Variants in NCKAP1 observed in about 807,000 individuals in gnomAD.
The protein encoded by NCKAP1 is nck-associated protein 1.
In NCKAP1, 21 loss-of-function variants were observed where a neutral mutation model predicts 151.2. The ratio of observed to expected loss-of-function variants is 0.14; its 90% CI spans 0.10 to 0.20. The LOEUF (loss-of-function observed/expected upper bound fraction) is 0.20. NCKAP1 is among the 10% of genes least tolerant of loss of function. The probability of loss-of-function intolerance (pLI) is 1.00; values close to 1 mark genes in which losing one functional copy is unlikely to be tolerated. For missense variants in NCKAP1, 933 were observed against 1,352.1 expected, an observed-to-expected ratio of 0.69 and a Z score of 4.86; for synonymous variants, 484 against 451.8, an observed-to-expected ratio of 1.07 and a Z score of -0.90.
rs1198128858 is a variant in NCKAP1, at chr2:183,038,326, T to G, written c.-227A>C. 8.9e-6 allele frequency: 3 copies of G among 336,872 alleles called. No homozygotes were observed. The highest frequency in any genetic ancestry group is 1.6e-5 in the Non-Finnish European group (3 of 187,934). 20.9% of individuals were successfully genotyped at this position (336,872 alleles called of 1,614,324 possible). ...AGCAGCCCGCGCCCCGGCAGCCTCC[T>G]GCCTTCCGCCCGCCGCCCTTCCGCC... On this transcript the variant is annotated 5_prime_UTR_variant, in exon 1 of 31. Coordinates refer to ENST00000361354, the MANE Select transcript of NCKAP1 (RefSeq NM_013436.5).
rs1021853487 is a variant in NCKAP1, at chr2:182,909,429, A to G, written c.*16273T>C. On this transcript the variant is annotated 3_prime_UTR_variant, in exon 31 of 31. Coordinates refer to ENST00000361354, the MANE Select transcript of NCKAP1 (RefSeq NM_013436.5). ...AATTTGACTATTTTAGGTACCTAAT[A>G]TAAGAGGAATTATACAATATCTGTT... 6.6e-6 allele frequency: 1 copy of G among 152,218 alleles called. No individual in the cohort carries two copies. The highest frequency in any genetic ancestry group is 1.5e-5 in the Non-Finnish European group (1 of 68,050). The allele number at this position is 152,218 out of a possible 1,614,324, so 9.4% of individuals were successfully genotyped here. A position where few individuals can be genotyped will look rare whatever the true frequency, so the allele number is the denominator to read the frequency against.
intron 2 of NCKAP1, among the ~76,000 whole-genome samples, chr2:183,008,659 T>G (rs1698528770): frequency 6.6e-6 from 1 of 152,216 alleles, no homozygotes; most frequent in Non-Finnish European, 1.5e-5. Context: ...ACCTCACTTC[T>G]CTTCAGTGAG....
At chr2:182,933,341 A>C (rs138383108) in intron 26 of NCKAP1, among the ~76,000 whole-genome samples, 138 of 152,078 alleles carry the variant, frequency 9.1e-4, no homozygotes, top group Middle Eastern at 6.8e-3. Context: ...GAGAGAAGGA[A>C]GAAAGAAGTG....
chr2:182,919,532 T>G lies in NCKAP1; in HGVS notation c.*6170A>C, dbSNP rs1322125810. Reference sequence around the variant, plus strand: ...TATTAACTGGATATTTCCTCTCAAATAAAGATAAACATTCTATATGTAACT... The same window carrying G: ...TATTAACTGGATATTTCCTCTCAAAGAAAGATAAACATTCTATATGTAACT... On this transcript the variant is annotated 3_prime_UTR_variant, in exon 31 of 31. Transcript: ENST00000361354. The G allele has an allele frequency of 6.6e-6, 1 of 152,052 alleles. No homozygotes were observed. Among genetic ancestry groups the G allele is most frequent in the East Asian group, 1.9e-4 (1 of 5,194 alleles). 9.4% of individuals were successfully genotyped at this position (152,052 alleles called of 1,614,324 possible). A position where few individuals can be genotyped will look rare whatever the true frequency, so the allele number is the denominator to read the frequency against.
At chr2:182,988,676 C>G (rs1297394032) in intron 9 of NCKAP1, among the ~76,000 whole-genome samples, 1 of 151,954 alleles carries the variant, frequency 6.6e-6, no homozygotes. Flanking sequence ...ACAAGTACAC[C>G]CTATTCTAAA....
intron 13 of NCKAP1, 93 bp from the exon 14 acceptor site, chr2:182,979,008 A>G: frequency 3.1e-6 from 2 of 636,828 alleles, no homozygotes; most frequent in Non-Finnish European, 5.4e-6. Flanking sequence ...AAACTGGTAT[A>G]CCCATACTAT....
chr2:182,954,578 T>G (rs1042627793), intron 20 of NCKAP1, among the ~76,000 whole-genome samples: 22 of 152,010 alleles, frequency 1.4e-4, no homozygotes, highest in Non-Finnish European at 2.8e-4. Context: ...CCACTAATAT[T>G]CACAAGCTAT....
intron 15 of NCKAP1, among the ~76,000 whole-genome samples, chr2:182,973,833 T>C (rs1697748504): frequency 6.6e-6 from 1 of 152,214 alleles, no homozygotes; most frequent in Non-Finnish European, 1.5e-5. Context: ...TTGTTTGTCC[T>C]TTCCTTTTTC....
intron 2 of NCKAP1, among the ~76,000 whole-genome samples, chr2:183,020,476 AAAAAG>A (rs1354343790): frequency 0.038 from 5,507 of 143,934 alleles, 158 homozygotes; most frequent in African/African-American, 0.079. Flanking sequence ...AAAAAAAAAA[AAAAAG>A]AAAAAAAAGA....
At chr2:182,984,908 G>A (rs1005608834) in intron 10 of NCKAP1, among the ~76,000 whole-genome samples, 2 of 152,062 alleles carry the variant, frequency 1.3e-5, no homozygotes, top group African/African-American at 2.4e-5. Context: ...TAAACAGAAG[G>A]AGGAAAATAA....
At chr2:182,945,278 A>C (rs1208418354) in intron 23 of NCKAP1, among the ~76,000 whole-genome samples, 1 of 151,880 alleles carries the variant, frequency 6.6e-6, no homozygotes, top group East Asian at 1.9e-4. Context: ...AAGTAGGCAC[A>C]GTGGTACACG....
intron 1 of NCKAP1, among the ~76,000 whole-genome samples, chr2:183,032,722 T>C (rs1010710063): frequency 6.6e-6 from 1 of 152,192 alleles, no homozygotes; most frequent in Non-Finnish European, 1.5e-5. Flanking sequence ...ACAATAGGGT[T>C]ACATTCCAAT....
chr2:182,911,766 C>T lies in NCKAP1; in HGVS notation c.*13936G>A, dbSNP rs1402202103. The T allele has an allele frequency of 2.0e-5, 3 of 151,970 alleles. No individual in the cohort carries two copies. Among genetic ancestry groups the T allele is most frequent in the East Asian group, 1.9e-4 (1 of 5,190 alleles). The allele number at this position is 151,970 out of a possible 1,614,324, so 9.4% of individuals were successfully genotyped here. A position where few individuals can be genotyped will look rare whatever the true frequency, so the allele number is the denominator to read the frequency against. On this transcript the variant is annotated 3_prime_UTR_variant, in exon 31 of 31. Coordinates refer to ENST00000361354, the MANE Select transcript of NCKAP1 (RefSeq NM_013436.5). Reference sequence around the variant, plus strand: ...TAAAAAAAAACAAAACAAACAGAACCGCTTTTGGAGAAACTTGCCCTTATA... The same window carrying T: ...TAAAAAAAAACAAAACAAACAGAACTGCTTTTGGAGAAACTTGCCCTTATA...
At chr2:183,037,309 G>C (rs1416278885) in intron 1 of NCKAP1, among the ~76,000 whole-genome samples, 3 of 152,208 alleles carry the variant, frequency 2.0e-5, no homozygotes, top group Non-Finnish European at 4.4e-5. Flanking sequence ...GAGTACAGGG[G>C]AAAGAGTAGA....
chr2:182,909,119 T>C lies in NCKAP1; in HGVS notation c.*16583A>G, dbSNP rs979182417. The C allele has an allele frequency of 6.6e-6, 1 of 152,220 alleles. No homozygotes were observed. Among genetic ancestry groups the C allele is most frequent in the African/African-American group, 2.4e-5 (1 of 41,454 alleles). 9.4% of individuals were successfully genotyped at this position (152,220 alleles called of 1,614,324 possible). ...TAGGACACATAACACATTTAGGCTATTTCAAGATAATGGTTTATTTTGACA... is the reference window on the plus strand; with the variant it reads ...TAGGACACATAACACATTTAGGCTACTTCAAGATAATGGTTTATTTTGACA... On this transcript the variant is annotated 3_prime_UTR_variant, in exon 31 of 31. Coordinates refer to ENST00000361354, the MANE Select transcript of NCKAP1 (RefSeq NM_013436.5).
In NCKAP1 at chr2:183,038,169, G is replaced by A. The variant is rs1699144309; in HGVS notation, c.-70C>T. On this transcript the variant is annotated 5_prime_UTR_variant, in exon 1 of 31. Transcript: ENST00000361354. ...TCACGGGCCCGCGGCCTTCGCAGCA[G>A]CCTCTCTCGGGCCTCCTCCCCTCCC... The A allele has an allele frequency of 3.5e-6, 4 of 1,151,420 alleles. No individual in the cohort carries two copies. In the South Asian group the frequency reaches 6.5e-5, roughly 19 times the overall value. The allele number at this position is 1,151,420 out of a possible 1,614,324, so 71.3% of individuals were successfully genotyped here.
At chr2:182,948,318 T>C (rs1264682887) in intron 23 of NCKAP1, among the ~76,000 whole-genome samples, 2 of 152,016 alleles carry the variant, frequency 1.3e-5, no homozygotes, top group African/African-American at 4.8e-5. Context: ...ACTAGAAAGC[T>C]AACATCAAAA....
Position 182,918,027 on chromosome 2 carries a change from TG to T in NCKAP1, c.*7674del, listed in dbSNP as rs1446959505. The T allele has an allele frequency of 6.6e-6, 1 of 152,172 alleles. No homozygotes were observed. The highest frequency in any genetic ancestry group is 1.5e-5 in the Non-Finnish European group (1 of 68,010). 9.4% of individuals were successfully genotyped at this position (152,172 alleles called of 1,614,324 possible). ...AGAACATGATACAGTAGAAAAAATA[TG>T]GGCTGGAAATCCTAGAGCCTTAGGT... On this transcript the variant is annotated 3_prime_UTR_variant, in exon 31 of 31. Coordinates refer to ENST00000361354, the MANE Select transcript of NCKAP1 (RefSeq NM_013436.5).
intron 1 of NCKAP1, among the ~76,000 whole-genome samples, chr2:183,031,089 T>C (rs1055495004): frequency 2.0e-5 from 3 of 152,212 alleles, no homozygotes; most frequent in Non-Finnish European, 4.4e-5. Flanking sequence ...TATCAATAAC[T>C]ACCTCTTAAT....
Sources: gnomAD v4.1 joint callset for allele counts (sites outside exome capture counted in the v4.1 genomes callset) on GRCh38, gnomAD v4.1.1 for gene constraint, MANE v1.5 for transcripts, NCBI Gene and HGNC (gene_info 2026-07-23, HGNC 2026-07-21) for gene names.